CSMD1: variants seen among roughly 807,000 people sequenced by gnomAD.
The protein encoded by CSMD1 is CUB and Sushi multiple domains 1, also known as CUB and sushi domain-containing protein 1.
In CSMD1, 213 loss-of-function variants were observed where a neutral mutation model predicts 417.5. The observed-to-expected ratio is 0.51, with a 90% CI of 0.46 to 0.57. CSMD1 has a LOEUF of 0.57. Among genes scored for constraint, CSMD1 ranks in the 20% least tolerant of loss-of-function variants. The pLI, the probability that CSMD1 is intolerant of heterozygous loss-of-function variation, is 0.00. For missense variants in CSMD1, 6,923 were observed against 4,529.7 expected (o/e 1.53, Z -15.17); for synonymous variants, 2,862 against 1,736.8 (o/e 1.65, Z -16.11).
At chr8:4,747,741 T>C (rs1811047647) in intron 1 of CSMD1, among the ~76,000 whole-genome samples, 1 of 152,122 alleles carries the variant, frequency 6.6e-6, no homozygotes, top group Non-Finnish European at 1.5e-5. Flanking sequence ...CAATGTCCTG[T>C]GGCCCAAGCA....
At chr8:3,165,696 G>A (rs1243844025) in intron 37 of CSMD1, among the ~76,000 whole-genome samples, 2 of 152,128 alleles carry the variant, frequency 1.3e-5, no homozygotes, top group African/African-American at 4.8e-5. Flanking sequence ...CCTCCCCAAA[G>A]TGCTGGGAGA....
At chr8:3,574,781 C>G (rs953034786) in intron 10 of CSMD1, among the ~76,000 whole-genome samples, 164 bp downstream of exon 10, 1 of 152,204 alleles carries the variant, frequency 6.6e-6, no homozygotes, top group Non-Finnish European at 1.5e-5. Context: ...TCTCAGACTG[C>G]TCTGCAATGA....
At chr8:4,566,813 C>T (rs1798635517) in intron 2 of CSMD1, among the ~76,000 whole-genome samples, 1 of 151,828 alleles carries the variant, frequency 6.6e-6, no homozygotes, top group East Asian at 1.9e-4. Context: ...ATTGTTTCAG[C>T]AAAGTTATCT....
rs904737664 is a variant in CSMD1, at chr8:4,787,974, C to T, written c.86-150416G>A. The stretch of plus-strand genomic sequence containing the variant: ...CTGGAGACTCTGGCCATCAGGAGAT[C>T]GAAGCCAACAGAAAGACAAACAGTG... On this transcript the variant is annotated intron_variant, in intron 1 of 69. Coordinates refer to ENST00000635120, the MANE Select transcript of CSMD1 (RefSeq NM_033225.6). The T allele has an allele frequency of 5.3e-5, 85 of 1,594,466 alleles. No individual in the cohort carries two copies. The African/African-American group carries it at 9.8e-4, about 18-fold the overall frequency.
chr8:4,208,719 G>C (rs1408281396), intron 3 of CSMD1, among the ~76,000 whole-genome samples: 1 of 152,020 alleles, frequency 6.6e-6, no homozygotes, highest in Non-Finnish European at 1.5e-5. Context: ...GCAGAATTAA[G>C]GCAATAAAAA....
chr8:4,844,507 G>A (rs1179004891), intron 1 of CSMD1, among the ~76,000 whole-genome samples: 6 of 152,054 alleles, frequency 3.9e-5, no homozygotes, highest in Admixed American at 6.5e-5. Context: ...TCTTGGCCGC[G>A]TCAAGGTCAG....
intron 2 of CSMD1, among the ~76,000 whole-genome samples, chr8:4,570,619 C>T (rs1461689616): frequency 6.6e-6 from 1 of 152,122 alleles, no homozygotes; most frequent in East Asian, 1.9e-4. Flanking sequence ...TTTATTGTGT[C>T]TCTGCCAGGT....
chr8:3,277,427 T>G (rs1028201517), intron 26 of CSMD1, among the ~76,000 whole-genome samples: 1 of 152,090 alleles, frequency 6.6e-6, no homozygotes. Context: ...CCCAGCGGCG[T>G]AGACCAAGGC....
At chr8:3,863,557 A>T (rs1234869899) in intron 5 of CSMD1, among the ~76,000 whole-genome samples, 1 of 152,172 alleles carries the variant, frequency 6.6e-6, no homozygotes, top group African/African-American at 2.4e-5. Flanking sequence ...TTCAGACCAC[A>T]GCGCACTGTT....
chr8:3,074,787 G>C (rs1019416010), intron 49 of CSMD1, among the ~76,000 whole-genome samples: 13 of 152,122 alleles, frequency 8.5e-5, no homozygotes, highest in Non-Finnish European at 1.5e-5. Context: ...ATAAAATAAT[G>C]TGTATGCCAT....
intron 7 of CSMD1, among the ~76,000 whole-genome samples, chr8:3,684,621 G>A (rs1410251271): frequency 2.7e-4 from 38 of 139,896 alleles, no homozygotes; most frequent in Admixed American, 1.1e-3. Context: ...TTTTTTAGAC[G>A]GAGTCTCGCT....
At chr8:4,563,040 T>C (rs937528483) in intron 2 of CSMD1, among the ~76,000 whole-genome samples, 2 of 152,192 alleles carry the variant, frequency 1.3e-5, no homozygotes, top group Non-Finnish European at 2.9e-5. Flanking sequence ...AGTGTTTTAT[T>C]TGTATTAACC....
intron 2 of CSMD1, among the ~76,000 whole-genome samples, chr8:4,540,645 A>C (rs982411995): frequency 1.2e-4 from 18 of 152,200 alleles, no homozygotes; most frequent in East Asian, 1.9e-4. Context: ...ACATGGGAGC[A>C]CCTAACAGTG....
At position 4,699,222 on chromosome 8, in the gene CSMD1, CT is replaced by C. The variant is rs1485825923; in HGVS notation, c.86-61665del. On this transcript the variant is annotated intron_variant, in intron 1 of 69. Transcript: ENST00000635120. ...GTAAAGTTAATACTCAAATGTTTTC[CT>C]TTGCTTAAAGGATAACTTTCAAAGA... Among the ~76,000 whole-genome samples the C allele has an allele frequency of 2.6e-5, 4 of 152,200 alleles. No individual in the cohort carries two copies. The East Asian group carries it at 7.7e-4, about 29-fold the overall frequency.
At chr8:4,446,728 T>C (rs948982277) in intron 2 of CSMD1, among the ~76,000 whole-genome samples, 3 of 138,428 alleles carry the variant, frequency 2.2e-5, no homozygotes, top group Non-Finnish European at 4.6e-5. Flanking sequence ...TGTGTGTGTG[T>C]GTGTCTGTGT....
intron 5 of CSMD1, among the ~76,000 whole-genome samples, chr8:3,847,333 A>C (rs1272461805): frequency 1.3e-5 from 2 of 152,102 alleles, no homozygotes; most frequent in South Asian, 2.1e-4. Flanking sequence ...GGAACCCTTA[A>C]AAGTGTTCCA....
At chr8:3,132,420 A>C (rs1817839520) in intron 41 of CSMD1, among the ~76,000 whole-genome samples, 1 of 152,148 alleles carries the variant, frequency 6.6e-6, no homozygotes, top group Non-Finnish European at 1.5e-5. Context: ...ACAAGTTATA[A>C]AATACTACAA....
chr8:3,866,122 A>T lies in CSMD1; in HGVS notation c.819-112080T>A, dbSNP rs193065956. 1.3e-4 allele frequency among the ~76,000 whole-genome samples: 20 copies of T among 152,332 alleles called. No homozygotes were observed. The East Asian group carries it at 3.9e-3, about 29-fold the overall frequency. ...ATAAGGATTACATTATTCCATATGT[A>T]AGTGTTTATGAATACTCTGAAGATA... On this transcript the variant is annotated intron_variant, in intron 5 of 69. Transcript: ENST00000635120.
intron 3 of CSMD1, among the ~76,000 whole-genome samples, chr8:4,390,344 C>T (rs1803756948): frequency 6.6e-6 from 1 of 151,936 alleles, no homozygotes; most frequent in African/African-American, 2.4e-5. Context: ...GAGAAATAAC[C>T]ATAATAATAC....
Sources: allele counts gnomAD v4.1 joint callset (sites outside exome capture counted in the v4.1 genomes callset), GRCh38; gene constraint gnomAD v4.1.1; transcripts MANE v1.5; gene names NCBI Gene and HGNC (gene_info 2026-07-23, HGNC 2026-07-21).